Variants in PCNX2 observed in about 807,000 individuals in gnomAD.
The protein encoded by PCNX2 is pecanex-like protein 2.
PCNX2 carries 168 observed loss-of-function variants against 223.8 expected under a neutral mutation model. That is an observed-to-expected ratio of 0.75 (90% CI 0.66 to 0.85). The LOEUF (loss-of-function observed/expected upper bound fraction) is 0.85. PCNX2 is among the 40% of genes least tolerant of loss of function. The pLI is 0.00. For missense variants in PCNX2, 2,507 were observed against 2,675.5 expected, an observed-to-expected ratio of 0.94 and a Z score of 1.39; for synonymous variants, 1,006 against 1,052.6, an observed-to-expected ratio of 0.96 and a Z score of 0.86.
chr1:233,199,634 C>T (rs1196141858), intron 14 of PCNX2, among the ~76,000 whole-genome samples: 1 of 152,062 alleles, frequency 6.6e-6, no homozygotes, highest in Non-Finnish European at 1.5e-5. Flanking sequence ...TTATATCCAC[C>T]TTGGTCTGAA....
intron 5 of PCNX2, 41 bp from the exon 6 acceptor site, chr1:233,252,829 A>C: frequency 1.3e-6 from 2 of 1,494,790 alleles, no homozygotes; most frequent in East Asian, 4.9e-5. Context: ...ATATAAAATA[A>C]ATCAATGTGA....
chr1:233,182,646 C>T (rs1457781499), intron 15 of PCNX2, among the ~76,000 whole-genome samples: 1 of 152,152 alleles, frequency 6.6e-6, no homozygotes, highest in Non-Finnish European at 1.5e-5. Context: ...TACACAGCAG[C>T]AAAACCCGAA....
At chr1:233,017,218 A>G in intron 26 of PCNX2, 64 bp from the exon 27 acceptor site, 1 of 1,304,182 alleles carries the variant, frequency 7.7e-7, no homozygotes. Flanking sequence ...AATCAACCTC[A>G]GGAAAGTAAG....
chr1:233,124,368 G>A (rs574734362), intron 21 of PCNX2, among the ~76,000 whole-genome samples: 2 of 152,142 alleles, frequency 1.3e-5, no homozygotes, highest in Non-Finnish European at 2.9e-5. Context: ...TTACGAAAAA[G>A]ATCAATAAAT....
intron 1 of PCNX2, among the ~76,000 whole-genome samples, chr1:233,278,816 G>A (rs1661038763): frequency 6.6e-6 from 1 of 152,176 alleles, no homozygotes; most frequent in Non-Finnish European, 1.5e-5. Context: ...CTGGCATCCA[G>A]TTTTAGCTTC....
chr1:233,205,860 C>T (rs1209602715), intron 13 of PCNX2, among the ~76,000 whole-genome samples: 1 of 152,054 alleles, frequency 6.6e-6, no homozygotes, highest in African/African-American at 2.4e-5. Flanking sequence ...AGCGAATAAG[C>T]TAGTGAGAGG....
chr1:232,987,973 G>A (rs933925915), intron 32 of PCNX2, among the ~76,000 whole-genome samples: 2 of 152,228 alleles, frequency 1.3e-5, no homozygotes, highest in Non-Finnish European at 2.9e-5. Context: ...CCTGGGATGA[G>A]TGTGCTCAGC....
intron 15 of PCNX2, chr1:233,181,048 A>C (rs187638975): frequency 6.6e-6 from 1 of 152,180 alleles, no homozygotes; most frequent in East Asian, 1.9e-4. Context: ...CTTTCTTTGG[A>C]GTTTTCATCA....
chr1:233,152,420 G>A (rs1677871087), intron 19 of PCNX2, among the ~76,000 whole-genome samples: 1 of 152,068 alleles, frequency 6.6e-6, no homozygotes, highest in African/African-American at 2.4e-5. Flanking sequence ...TCTTTCTTAT[G>A]TGGGGAAAAA....
chr1:232,986,556 G>C lies in PCNX2; in HGVS notation c.5792-16C>G. The C allele has an allele frequency of 6.7e-7, 1 of 1,502,064 alleles. No individual in the cohort carries two copies. 93.0% of individuals were successfully genotyped at this position (1,502,064 alleles called of 1,614,324 possible). A position where few individuals can be genotyped will look rare whatever the true frequency, so the allele number is the denominator to read the frequency against. ...TTCCTCCTGCCTTTAAAAGAAAGCAGAACACAGAGTTGTAGCGGGTGGGTC... is the reference window on the plus strand; with the variant it reads ...TTCCTCCTGCCTTTAAAAGAAAGCACAACACAGAGTTGTAGCGGGTGGGTC... On this transcript the variant is annotated splice_polypyrimidine_tract_variant and intron_variant, in intron 32 of 33. Coordinates refer to ENST00000258229, the MANE Select transcript of PCNX2 (RefSeq NM_014801.4).
intron 21 of PCNX2, among the ~76,000 whole-genome samples, chr1:233,103,698 G>C (rs1674617487): frequency 6.6e-6 from 1 of 152,110 alleles, no homozygotes; most frequent in African/African-American, 2.4e-5. Context: ...GGACACCTCA[G>C]TTGCTTCCAA....
chr1:233,101,297 G>A (rs1368790470), intron 21 of PCNX2, among the ~76,000 whole-genome samples: 1 of 152,200 alleles, frequency 6.6e-6, no homozygotes, highest in Non-Finnish European at 1.5e-5. Context: ...ACCATTTCTG[G>A]GGGAGGGGAA....
intron 21 of PCNX2, among the ~76,000 whole-genome samples, chr1:233,121,426 T>A (rs1172331808): frequency 6.6e-6 from 1 of 152,214 alleles, no homozygotes; most frequent in African/African-American, 2.4e-5. Flanking sequence ...AAAATCACAC[T>A]ATTTCAAAGC....
At chr1:233,322,126 G>A in the PCNX2 span, among the ~76,000 whole-genome samples, 7 of 152,124 alleles carry the variant, frequency 4.6e-5, no homozygotes. Context: ...ACCCCATACA[G>A]CCATTCCTTC....
At chr1:233,118,609 T>C in intron 21 of PCNX2, among the ~76,000 whole-genome samples, 1 of 151,684 alleles carries the variant, frequency 6.6e-6, no homozygotes, top group East Asian at 1.9e-4. Context: ...AAACATACAA[T>C]TCAATTCATA....
chr1:232,992,814 T>A (rs1669747553), intron 32 of PCNX2, among the ~76,000 whole-genome samples: 1 of 152,210 alleles, frequency 6.6e-6, no homozygotes, highest in Middle Eastern at 3.4e-3. Flanking sequence ...AGTGGGTGAG[T>A]TCTCACAAGA....
intron 30 of PCNX2, 108 bp from the exon 31 acceptor site, chr1:232,999,487 CTT>C (rs1354315459): frequency 6.0e-5 from 77 of 1,284,944 alleles, no homozygotes; most frequent in Non-Finnish European, 6.6e-5. Context: ...GAGTTTCGCT[CTT>C]GTTGCCCAGG....
chr1:233,157,366 T>C (rs1343569494), intron 19 of PCNX2, among the ~76,000 whole-genome samples: 2 of 152,196 alleles, frequency 1.3e-5, no homozygotes, highest in South Asian at 2.1e-4. Context: ...AATGGTGGGA[T>C]AGGATTATAT....
intron 22 of PCNX2, 198 bp downstream of exon 22, chr1:233,095,557 A>C (rs1674110704): frequency 3.4e-6 from 2 of 590,100 alleles, no homozygotes; most frequent in Non-Finnish European, 6.1e-6. Flanking sequence ...ATGCATTAAG[A>C]AGCAGGAAGA....
Sources: allele counts gnomAD v4.1 joint callset (sites outside exome capture counted in the v4.1 genomes callset), GRCh38; gene constraint gnomAD v4.1.1; transcripts MANE v1.5; gene names NCBI Gene and HGNC (gene_info 2026-07-23, HGNC 2026-07-21).